Variants in LRRC4C observed in about 807,000 individuals in gnomAD.
LRRC4C encodes the protein leucine rich repeat containing 4C, also known as leucine-rich repeat-containing protein 4C.
In LRRC4C, 5 loss-of-function variants were observed where a neutral mutation model predicts 33.6. The observed-to-expected ratio is 0.15, with a 90% CI of 0.08 to 0.31. The LOEUF (loss-of-function observed/expected upper bound fraction) is 0.31. Ranked by LOEUF, LRRC4C falls within the 10% of genes least tolerant of loss-of-function variation. The pLI is 1.00. For missense variants in LRRC4C, 560 were observed against 796.7 expected (o/e 0.70, Z 3.58); for synonymous variants, 329 against 302.0 (o/e 1.09, Z -0.93).
intron 3 of LRRC4C, among the ~76,000 whole-genome samples, chr11:40,575,129 A>G (rs1409962639): frequency 2.6e-5 from 4 of 152,172 alleles, no homozygotes; most frequent in African/African-American, 9.7e-5. Context: ...CAGTACTATG[A>G]TAGAAAAAAG....
At chr11:41,424,778 T>A (rs190890037) in intron 1 of LRRC4C, among the ~76,000 whole-genome samples, 29 of 152,244 alleles carry the variant, frequency 1.9e-4, no homozygotes, top group Middle Eastern at 3.4e-3. Context: ...AAAAGCTATC[T>A]TGAGAGTCTT....
At chr11:41,255,732 T>TC in intron 1 of LRRC4C, among the ~76,000 whole-genome samples, 1 of 151,236 alleles carries the variant, frequency 6.6e-6, no homozygotes, top group African/African-American at 2.4e-5. Flanking sequence ...GCATATTATG[T>TC]AAAAAAAAAT....
chr11:41,251,807 G>T (rs779641043), intron 1 of LRRC4C, among the ~76,000 whole-genome samples: 2 of 152,044 alleles, frequency 1.3e-5, no homozygotes, highest in Non-Finnish European at 2.9e-5. Flanking sequence ...TGATAAAGGC[G>T]GAGCATTTGA....
intron 3 of LRRC4C, among the ~76,000 whole-genome samples, chr11:40,348,451 C>T (rs546174342): frequency 1.3e-5 from 2 of 152,194 alleles, no homozygotes; most frequent in Non-Finnish European, 2.9e-5. Context: ...TAGCTTGTCT[C>T]TCAGAACATT....
intron 2 of LRRC4C, among the ~76,000 whole-genome samples, chr11:40,748,069 CA>C (rs564457638): frequency 5.6e-4 from 85 of 152,180 alleles, no homozygotes; most frequent in African/African-American, 2.0e-3. Context: ...GATCCCTAAA[CA>C]AATAAAATGC....
intron 2 of LRRC4C, among the ~76,000 whole-genome samples, chr11:40,759,985 G>A (rs1194319583): frequency 1.3e-5 from 2 of 150,476 alleles, no homozygotes; most frequent in African/African-American, 4.9e-5. Context: ...AAAGGAAAAA[G>A]GAGTAATTCG....
At chr11:41,029,013 C>T (rs1856557974) in intron 1 of LRRC4C, among the ~76,000 whole-genome samples, 1 of 151,690 alleles carries the variant, frequency 6.6e-6, no homozygotes, top group Admixed American at 6.6e-5. Context: ...TATACTTATG[C>T]ACTTATGAAA....
chr11:40,395,647 T>G (rs577755545), intron 3 of LRRC4C, among the ~76,000 whole-genome samples: 1 of 152,264 alleles, frequency 6.6e-6, no homozygotes, highest in African/African-American at 2.4e-5. Flanking sequence ...AACTTTTTTG[T>G]GTGTGCTATT....
intron 3 of LRRC4C, among the ~76,000 whole-genome samples, chr11:40,396,894 A>T (rs1426757969): frequency 6.6e-6 from 1 of 152,076 alleles, no homozygotes; most frequent in Non-Finnish European, 1.5e-5. Flanking sequence ...ATTCTGTTTG[A>T]GTTATAATGC....
At chr11:40,222,013 A>G (rs1281672462) in intron 5 of LRRC4C, among the ~76,000 whole-genome samples, 28 of 152,092 alleles carry the variant, frequency 1.8e-4, no homozygotes, top group Admixed American at 1.8e-3. Context: ...TCCTGCTACA[A>G]TACTAGATTC....
intron 1 of LRRC4C, among the ~76,000 whole-genome samples, chr11:41,007,215 A>G (rs1335577664): frequency 6.6e-6 from 1 of 150,526 alleles, no homozygotes; most frequent in Non-Finnish European, 1.5e-5. Context: ...TCAAAAATCT[A>G]GAAAAAAACA....
intron 1 of LRRC4C, among the ~76,000 whole-genome samples, chr11:41,214,768 T>A (rs1275392813): frequency 7.0e-6 from 1 of 143,098 alleles, no homozygotes; most frequent in Non-Finnish European, 1.5e-5. Context: ...AATATATATA[T>A]ATATATACAC....
intron 1 of LRRC4C, among the ~76,000 whole-genome samples, chr11:40,983,881 C>G (rs545135489): frequency 2.0e-5 from 3 of 152,192 alleles, no homozygotes; most frequent in Non-Finnish European, 4.4e-5. Flanking sequence ...TCAGTTCTTC[C>G]CAATGTTGTA....
chr11:41,279,195 T>C (rs955214892), intron 1 of LRRC4C, among the ~76,000 whole-genome samples: 2 of 152,150 alleles, frequency 1.3e-5, no homozygotes, highest in Admixed American at 1.3e-4. Context: ...ACATTTTCTT[T>C]ATTCAGTCTG....
chr11:41,285,215 TCATC>T (rs1433253905), intron 1 of LRRC4C, among the ~76,000 whole-genome samples: 1 of 152,162 alleles, frequency 6.6e-6, no homozygotes, highest in East Asian at 1.9e-4. Context: ...ATCATTCTAT[TCATC>T]CATCCATCAA....
At chr11:40,557,812 C>A (rs1416836654) in intron 3 of LRRC4C, among the ~76,000 whole-genome samples, 2 of 152,028 alleles carry the variant, frequency 1.3e-5, no homozygotes, top group African/African-American at 4.8e-5. Context: ...ATCCTATGAG[C>A]CTTCAATGCT....
intron 2 of LRRC4C, among the ~76,000 whole-genome samples, chr11:40,717,979 C>T (rs981370727): frequency 3.9e-5 from 6 of 152,118 alleles, no homozygotes; most frequent in African/African-American, 7.2e-5. Context: ...TCTAGAGACA[C>T]GTGTGCATGT....
chr11:41,414,784 C>T (rs562880427), intron 1 of LRRC4C, among the ~76,000 whole-genome samples: 37 of 152,038 alleles, frequency 2.4e-4, no homozygotes, highest in African/African-American at 7.7e-4. Flanking sequence ...TTGTGCTATA[C>T]GTCATTAGTC....
At chr11:41,080,447 G>A (rs1590471147) in intron 1 of LRRC4C, among the ~76,000 whole-genome samples, 1 of 151,552 alleles carries the variant, frequency 6.6e-6, no homozygotes, top group African/African-American at 2.4e-5. Flanking sequence ...TGCCTCCTGG[G>A]TACAAGCGAT....
Sources: gnomAD v4.1 joint callset for allele counts (sites outside exome capture counted in the v4.1 genomes callset) on GRCh38, gnomAD v4.1.1 for gene constraint, MANE v1.5 for transcripts, NCBI Gene and HGNC (gene_info 2026-07-23, HGNC 2026-07-21) for gene names.